Variants in FRMD3 observed in about 807,000 individuals in gnomAD.
FRMD3 encodes the protein FERM domain-containing protein 3.
Under a neutral mutation model 70.2 loss-of-function variants are expected in FRMD3, and 33 were observed. The observed-to-expected ratio is 0.47, with a 90% CI of 0.36 to 0.63. The LOEUF (loss-of-function observed/expected upper bound fraction) is 0.63. FRMD3 is among the 20% of genes least tolerant of loss of function. The pLI is 0.00. For synonymous variants in FRMD3, 279 were observed against 255.9 expected, an observed-to-expected ratio of 1.09 and a Z score of -0.86; for missense variants, 632 against 711.4, an observed-to-expected ratio of 0.89 and a Z score of 1.27.
At chr9:83,249,836 C>G (rs1040950698) in intron 13 of FRMD3, among the ~76,000 whole-genome samples, 8 of 152,094 alleles carry the variant, frequency 5.3e-5, no homozygotes, top group African/African-American at 1.9e-4. Context: ...CATTAGAACC[C>G]TGCATATTGC....
intron 10 of FRMD3, among the ~76,000 whole-genome samples, chr9:83,302,115 GGAATGGAGAGAGGAGAAA>G (rs2131020656): frequency 6.6e-6 from 1 of 152,284 alleles, no homozygotes; most frequent in African/African-American, 2.4e-5. Context: ...AGAGGGGAGG[GGAATGGAGAGAGGAGAAA>G]GAATGGTGGC....
At chr9:83,574,225 T>A in the FRMD3 span, among the ~76,000 whole-genome samples, 1 of 152,174 alleles carries the variant, frequency 6.6e-6, no homozygotes, top group African/African-American at 2.4e-5. Flanking sequence ...GTAATTTCCA[T>A]CTGCTCCAGG....
At chr9:83,440,890 G>T (rs979125256) in intron 1 of FRMD3, among the ~76,000 whole-genome samples, 4 of 151,904 alleles carry the variant, frequency 2.6e-5, no homozygotes, top group Admixed American at 1.3e-4. Flanking sequence ...CTGCATTCTG[G>T]TTCTCCTCTC....
At chr9:83,507,734 A>ATGTC (rs1405551994) in intron 1 of FRMD3, among the ~76,000 whole-genome samples, 1 of 114,938 alleles carries the variant, frequency 8.7e-6, no homozygotes, top group African/African-American at 3.1e-5. Context: ...ATATATATAT[A>ATGTC]TATATCTTCT....
chr9:83,313,748 C>G lies in FRMD3; in HGVS notation c.597-1G>C. On this transcript the variant is annotated splice_acceptor_variant, in intron 6 of 13. Coordinates refer to ENST00000304195, the MANE Select transcript of FRMD3 (RefSeq NM_174938.6). LOFTEE classifies it high-confidence loss of function. ...TTCAGCAACTGGTGGGCTCTGCCCCCTAAAATCACACAAGAAAAGTTGAGG... is the reference window on the plus strand; with the variant it reads ...TTCAGCAACTGGTGGGCTCTGCCCCGTAAAATCACACAAGAAAAGTTGAGG... 6.2e-7 allele frequency: 1 copy of G among 1,612,932 alleles called. No individual in the cohort carries two copies.
rs1447390170 is a variant in FRMD3 at position 83,414,634 on chromosome 9, C to T, written c.148-24926G>A. Reference sequence around the variant, plus strand: ...ATATATATTTTTTTAAACTCCTACACATAAGCAGAAAGACAAACAACCCAA... The same window carrying T: ...ATATATATTTTTTTAAACTCCTACATATAAGCAGAAAGACAAACAACCCAA... On this transcript the variant is annotated intron_variant, in intron 1 of 13. Transcript: ENST00000304195. 2.0e-5 allele frequency among the ~76,000 whole-genome samples: 3 copies of T among 152,198 alleles called. No individual in the cohort carries two copies. In the East Asian group the frequency reaches 5.8e-4, roughly 29 times the overall value.
At chr9:83,414,752 T>G (rs1207608744) in intron 1 of FRMD3, among the ~76,000 whole-genome samples, 1 of 152,218 alleles carries the variant, frequency 6.6e-6, no homozygotes, top group Non-Finnish European at 1.5e-5. Context: ...TACACAAATA[T>G]CATGGTCACA....
chr9:83,439,422 T>C (rs1346402301), intron 1 of FRMD3, among the ~76,000 whole-genome samples: 1 of 152,246 alleles, frequency 6.6e-6, no homozygotes, highest in Non-Finnish European at 1.5e-5. Flanking sequence ...AGCCTACTGA[T>C]GGCTTGCAAT....
At chr9:83,433,518 G>A (rs1268865506) in intron 1 of FRMD3, among the ~76,000 whole-genome samples, 1 of 152,122 alleles carries the variant, frequency 6.6e-6, no homozygotes, top group African/African-American at 2.4e-5. Flanking sequence ...GTGGAAGTGG[G>A]GTGGTTTCAG....
intron 1 of FRMD3, among the ~76,000 whole-genome samples, chr9:83,408,275 G>T (rs922714350): frequency 1.3e-5 from 2 of 152,232 alleles, no homozygotes; most frequent in Non-Finnish European, 2.9e-5. Context: ...GGAACAAGCT[G>T]TATGAACCAA....
At chr9:83,419,537 T>G (rs1826564856) in intron 1 of FRMD3, among the ~76,000 whole-genome samples, 1 of 150,956 alleles carries the variant, frequency 6.6e-6, no homozygotes, top group African/African-American at 2.4e-5. Flanking sequence ...TCATGTGTGC[T>G]GAGTGTGTGA....
intron 1 of FRMD3, among the ~76,000 whole-genome samples, chr9:83,408,801 C>T (rs1826198124): frequency 6.6e-6 from 1 of 152,126 alleles, no homozygotes; most frequent in South Asian, 2.1e-4. Flanking sequence ...CCACAGGCAC[C>T]CTCGGACACA....
In FRMD3 at chr9:83,275,182, G is replaced by A. The variant is rs374515344; in HGVS notation, c.1195+15421C>T. ...CAGAGCAGTAGCATGGGACCGAGCC[G>A]TCGGCATGGAGGTCAGGATCACGGA... On this transcript the variant is annotated intron_variant, in intron 13 of 13. Coordinates refer to ENST00000304195, the MANE Select transcript of FRMD3 (RefSeq NM_174938.6). 1.2e-4 allele frequency among the ~76,000 whole-genome samples: 18 copies of A among 152,208 alleles called. No homozygotes were observed. The East Asian group carries it at 1.7e-3, about 15-fold the overall frequency.
intron 3 of FRMD3, among the ~76,000 whole-genome samples, chr9:83,366,848 C>T (rs1824803807): frequency 6.6e-6 from 1 of 152,122 alleles, no homozygotes; most frequent in Non-Finnish European, 1.5e-5. Context: ...GGGCCACATT[C>T]CACAGTTATG....
intron 1 of FRMD3, among the ~76,000 whole-genome samples, chr9:83,483,023 G>A (rs1344121163): frequency 6.6e-6 from 1 of 152,130 alleles, no homozygotes; most frequent in Admixed American, 6.5e-5. Context: ...CTGGTTCTGG[G>A]GTGTGGGTTT....
At chr9:83,340,762 G>A (rs1235600773) in intron 5 of FRMD3, among the ~76,000 whole-genome samples, 2 of 152,180 alleles carry the variant, frequency 1.3e-5, no homozygotes, top group Non-Finnish European at 2.9e-5. Context: ...TGATTGACTG[G>A]TTTTGTATTC....
chr9:83,500,675 C>T (rs949645387), intron 1 of FRMD3, among the ~76,000 whole-genome samples: 1 of 152,026 alleles, frequency 6.6e-6, no homozygotes. Flanking sequence ...CCAGGGAGCC[C>T]CAATGCATAT....
intron 1 of FRMD3, among the ~76,000 whole-genome samples, chr9:83,525,244 C>T (rs531455668): frequency 2.0e-5 from 3 of 152,258 alleles, no homozygotes; most frequent in Non-Finnish European, 2.9e-5. Flanking sequence ...TCTGTTAACA[C>T]GTTAATTGCT....
chr9:83,522,010 A>G (rs1829581698), intron 1 of FRMD3, among the ~76,000 whole-genome samples: 1 of 152,188 alleles, frequency 6.6e-6, no homozygotes. Flanking sequence ...CTGCTCCAGC[A>G]TATCTATACA....
Sources: gnomAD v4.1 joint callset for allele counts (sites outside exome capture counted in the v4.1 genomes callset) on GRCh38, gnomAD v4.1.1 for gene constraint, MANE v1.5 for transcripts, NCBI Gene and HGNC (gene_info 2026-07-23, HGNC 2026-07-21) for gene names.